KCNH5: variants seen among roughly 807,000 people sequenced by gnomAD.
KCNH5 encodes voltage-gated delayed rectifier potassium channel KCNH5.
In KCNH5, 46 loss-of-function variants were observed where a neutral mutation model predicts 96.1. The ratio of observed to expected loss-of-function variants is 0.48; its 90% confidence interval spans 0.38 to 0.61. KCNH5 has a LOEUF of 0.61. KCNH5 is among the 20% of genes least tolerant of loss of function. The pLI is 0.00. For synonymous variants in KCNH5, 439 were observed against 449.8 expected (o/e 0.98, Z 0.30); for missense variants, 907 against 1,225.8 (o/e 0.74, Z 3.88).
intron 7 of KCNH5, among the ~76,000 whole-genome samples, chr14:62,922,712 C>A (rs1363750611): frequency 6.6e-6 from 1 of 151,886 alleles, no homozygotes; most frequent in South Asian, 2.1e-4. Context: ...ATTTTCATGA[C>A]CATCTCAGTA....
chr14:62,977,715 T>C (rs1441746375), intron 6 of KCNH5, among the ~76,000 whole-genome samples: 4 of 152,148 alleles, frequency 2.6e-5, no homozygotes, highest in African/African-American at 9.7e-5. Flanking sequence ...CCCTGAGCAG[T>C]GTATGAGAGT....
At chr14:62,945,649 T>G (rs1442251086) in intron 7 of KCNH5, among the ~76,000 whole-genome samples, 1 of 151,640 alleles carries the variant, frequency 6.6e-6, no homozygotes, top group African/African-American at 2.4e-5. Flanking sequence ...GGTTAAAGAG[T>G]AGAGACTACA....
chr14:62,707,798 C>T lies in KCNH5; in HGVS notation c.2677G>A (p.Asp893Asn), dbSNP rs1325635807. 1 of 1,614,170 alleles carries T rather than the reference C, an allele frequency of 6.2e-7. No homozygotes were observed. The highest frequency in any genetic ancestry group is 1.7e-5 in the Admixed American group (1 of 60,030). Reference protein sequence around the residue: ...SPLEHSPIQADAKHPFYPIPE... With the variant: ...SPLEHSPIQANAKHPFYPIPE... ...ATGGGATAAAAGGGGTGCTTGGCAT[C>T]AGCCTGGATGGGACTGTGCTCTAGC... is the stretch of plus-strand genomic sequence containing the variant. Residue 893 changes from aspartate to asparagine, a missense_variant, in exon 11 of 11, where the codon GAT (aspartate) becomes AAT (asparagine). Transcript: ENST00000322893.
intron 7 of KCNH5, among the ~76,000 whole-genome samples, chr14:62,917,976 T>C (rs974857346): frequency 1.3e-5 from 2 of 152,208 alleles, no homozygotes; most frequent in East Asian, 1.9e-4. Context: ...AACCTTCCTC[T>C]TTCTCTGCTG....
At chr14:63,034,068 C>T (rs1048811883) in intron 1 of KCNH5, among the ~76,000 whole-genome samples, 1 of 152,094 alleles carries the variant, frequency 6.6e-6, no homozygotes, top group Admixed American at 6.6e-5. Flanking sequence ...TACAGGCATG[C>T]ACCACCAAAC....
At chr14:62,807,821 C>A (rs556648184) in intron 8 of KCNH5, among the ~76,000 whole-genome samples, 4 of 152,010 alleles carry the variant, frequency 2.6e-5, no homozygotes, top group African/African-American at 7.3e-5. Flanking sequence ...GTGTAAGCTG[C>A]GAAAGGATTT....
At chr14:62,932,986 T>A (rs1196335256) in intron 7 of KCNH5, among the ~76,000 whole-genome samples, 2 of 152,146 alleles carry the variant, frequency 1.3e-5, no homozygotes, top group Non-Finnish European at 2.9e-5. Flanking sequence ...ATAAGAGGTG[T>A]TCATTCAAAA....
chr14:62,896,349 C>A (rs1361735257), intron 7 of KCNH5, among the ~76,000 whole-genome samples: 1 of 152,146 alleles, frequency 6.6e-6, no homozygotes, highest in Non-Finnish European at 1.5e-5. Context: ...TTGCAGATAA[C>A]TGAGATGAAA....
intron 7 of KCNH5, among the ~76,000 whole-genome samples, chr14:62,915,163 G>C (rs1256610318): frequency 1.3e-5 from 2 of 152,226 alleles, no homozygotes; most frequent in African/African-American, 4.8e-5. Flanking sequence ...ACTCATGTGA[G>C]ATTCTTACTA....
At chr14:63,008,318 A>T (rs902719375) in intron 2 of KCNH5, among the ~76,000 whole-genome samples, 4 of 152,152 alleles carry the variant, frequency 2.6e-5, no homozygotes, top group African/African-American at 9.6e-5. Flanking sequence ...GGGCCCCTGA[A>T]GGTTCAGCTT....
chr14:62,875,344 T>G (rs1888349394), intron 7 of KCNH5, among the ~76,000 whole-genome samples: 1 of 152,120 alleles, frequency 6.6e-6, no homozygotes, highest in South Asian at 2.1e-4. Flanking sequence ...AAACCTACTT[T>G]AAAGTTCATA....
At chr14:62,895,030 A>G (rs930421698) in intron 7 of KCNH5, among the ~76,000 whole-genome samples, 5 of 152,236 alleles carry the variant, frequency 3.3e-5, no homozygotes, top group Admixed American at 2.6e-4. Flanking sequence ...GAGAGTTGAC[A>G]TTCAGCCTTT....
chr14:62,933,086 T>C (rs1487863731), intron 7 of KCNH5, among the ~76,000 whole-genome samples: 3 of 152,124 alleles, frequency 2.0e-5, no homozygotes, highest in Non-Finnish European at 4.4e-5. Flanking sequence ...CTGAGGGCTT[T>C]AAGTCAAGCC....
At chr14:63,001,782 C>T (rs1160540819) in intron 3 of KCNH5, among the ~76,000 whole-genome samples, 1 of 152,204 alleles carries the variant, frequency 6.6e-6, no homozygotes, top group African/African-American at 2.4e-5. Flanking sequence ...AGGTCTGGGT[C>T]CCTCAACCAC....
chr14:62,939,482 G>C (rs1168912154), intron 7 of KCNH5, among the ~76,000 whole-genome samples: 1 of 152,110 alleles, frequency 6.6e-6, no homozygotes, highest in East Asian at 1.9e-4. Flanking sequence ...GCAGGAAAAA[G>C]AACCACTTTC....
At chr14:62,921,162 C>G (rs573112586) in intron 7 of KCNH5, among the ~76,000 whole-genome samples, 11 of 150,406 alleles carry the variant, frequency 7.3e-5, no homozygotes, top group South Asian at 4.2e-4. Flanking sequence ...AGTTCAGAAA[C>G]AAAAAAAAAG....
chr14:62,976,542 G>A (rs2097655373), intron 6 of KCNH5, among the ~76,000 whole-genome samples: 1 of 152,024 alleles, frequency 6.6e-6, no homozygotes, highest in East Asian at 1.9e-4. Flanking sequence ...CAAGACAGTA[G>A]TCATGCTTTT....
intron 4 of KCNH5, among the ~76,000 whole-genome samples, chr14:62,987,752 G>A (rs1300169921): frequency 2.6e-5 from 4 of 152,122 alleles, no homozygotes; most frequent in African/African-American, 7.2e-5. Context: ...GTTTGCCTTG[G>A]ACTGTTACAT....
chr14:62,791,732 A>G (rs2932415), intron 9 of KCNH5, among the ~76,000 whole-genome samples: 3 of 151,730 alleles, frequency 2.0e-5, no homozygotes, highest in Non-Finnish European at 4.4e-5. Context: ...TAACAACTGT[A>G]AATATATATG....
Sources: allele counts gnomAD v4.1 joint callset (sites outside exome capture counted in the v4.1 genomes callset), GRCh38; gene constraint gnomAD v4.1.1; transcripts MANE v1.5; gene names NCBI Gene and HGNC (gene_info 2026-07-23, HGNC 2026-07-21).